The following DPYD variants were observed in gnomAD, a reference collection of about 807,000 sequenced individuals.
The protein encoded by DPYD is dihydropyrimidine dehydrogenase [NADP(+)].
DPYD carries 109 observed loss-of-function variants against 116.2 expected under a neutral mutation model. That is an observed-to-expected ratio of 0.94 (90% CI 0.80 to 1.10). The LOEUF (loss-of-function observed/expected upper bound fraction) is 1.10, where lower values mean the gene tolerates loss of function less well. Ranked by LOEUF, DPYD falls within the 50% of genes least tolerant of loss-of-function variation. The pLI is 0.00. For synonymous variants in DPYD, 440 were observed against 432.0 expected (o/e 1.02, Z -0.23); for missense variants, 1,302 against 1,254.5 (o/e 1.04, Z -0.57).
intron 4 of DPYD, among the ~76,000 whole-genome samples, chr1:97,729,155 A>G (rs185160102): frequency 8.5e-5 from 13 of 152,256 alleles, no homozygotes; most frequent in Non-Finnish European, 1.9e-4. Context: ...TAACGTTTTT[A>G]TTGATCCTGA....
In DPYD at chr1:97,122,541, T is replaced by G. The variant is rs564302315; in HGVS notation, c.2623-23909A>C. ...ATCAGAGACTTTGCAATTTTGCTCC[T>G]TATTCTTTCTAGTATTCTTAATCTG... On this transcript the variant is annotated intron_variant, in intron 20 of 22. Transcript: ENST00000370192. Among the ~76,000 whole-genome samples, 8 of 152,250 alleles carry G rather than the reference T, an allele frequency of 5.3e-5. No individual in the cohort carries two copies. The East Asian group carries it at 1.5e-3, about 29-fold the overall frequency.
Position 97,684,584 on chromosome 1 carries a change from T to C in DPYD, c.763-5402A>G, listed in dbSNP as rs983766610. On this transcript the variant is annotated intron_variant, in intron 7 of 22. Transcript: ENST00000370192. ...TTTGAAAAAAAAATATATATATATA[T>C]ACACACACACCAATAGGTAGACTAA... is the stretch of plus-strand genomic sequence containing the variant. 1.7e-4 allele frequency among the ~76,000 whole-genome samples: 25 copies of C among 150,224 alleles called. No individual in the cohort carries two copies. In the East Asian group the frequency reaches 2.5e-3, roughly 15 times the overall value.
intron 19 of DPYD, among the ~76,000 whole-genome samples, chr1:97,226,220 T>C (rs945674491): frequency 2.0e-5 from 3 of 152,084 alleles, no homozygotes; most frequent in African/African-American, 7.2e-5. Flanking sequence ...AAAAATTAGA[T>C]ATACAGGGAA....
At chr1:97,352,131 T>C (rs1670177085) in intron 16 of DPYD, among the ~76,000 whole-genome samples, 1 of 152,036 alleles carries the variant, frequency 6.6e-6, no homozygotes, top group Admixed American at 6.6e-5. Context: ...CCTTCTCAAA[T>C]AACTCTAAAT....
chr1:97,228,501 A>T, intron 19 of DPYD, among the ~76,000 whole-genome samples: 1 of 152,170 alleles, frequency 6.6e-6, no homozygotes, highest in Non-Finnish European at 1.5e-5. Flanking sequence ...TGTAAATCTT[A>T]ATTTTAGTAG....
intron 18 of DPYD, among the ~76,000 whole-genome samples, chr1:97,262,072 C>T (rs1310984481): frequency 2.0e-5 from 3 of 151,884 alleles, no homozygotes; most frequent in Non-Finnish European, 2.9e-5. Flanking sequence ...CCTCAATCAC[C>T]AGATTCCTTT....
At chr1:97,550,917 T>C (rs1651271312) in intron 11 of DPYD, among the ~76,000 whole-genome samples, 1 of 152,166 alleles carries the variant, frequency 6.6e-6, no homozygotes, top group Non-Finnish European at 1.5e-5. Context: ...CACTGGTATA[T>C]ATTTGTAGCT....
At chr1:97,188,122 T>C (rs949604077) in intron 20 of DPYD, among the ~76,000 whole-genome samples, 1 of 152,192 alleles carries the variant, frequency 6.6e-6, no homozygotes. Flanking sequence ...TATCTGGTCA[T>C]ATGGATACAA....
At chr1:97,208,951 T>C (rs768973701) in intron 19 of DPYD, among the ~76,000 whole-genome samples, 13 of 152,120 alleles carry the variant, frequency 8.5e-5, no homozygotes, top group Non-Finnish European at 1.6e-4. Context: ...GCAACTGGTG[T>C]CTTCTGAGGT....
chr1:97,367,833 G>C (rs551717454), intron 16 of DPYD, among the ~76,000 whole-genome samples: 5 of 152,106 alleles, frequency 3.3e-5, no homozygotes, highest in African/African-American at 1.2e-4. Flanking sequence ...CATCTTTGTA[G>C]CCTCTTGGAA....
chr1:97,428,797 T>C (rs1197532678), intron 14 of DPYD, among the ~76,000 whole-genome samples: 1 of 151,438 alleles, frequency 6.6e-6, no homozygotes, highest in Admixed American at 6.6e-5. Flanking sequence ...TTTGAGCATG[T>C]GTAGGTGTTT....
intron 11 of DPYD, among the ~76,000 whole-genome samples, chr1:97,568,346 G>A (rs1400414459): frequency 6.6e-6 from 1 of 151,996 alleles, no homozygotes; most frequent in Non-Finnish European, 1.5e-5. Context: ...AATAACATCT[G>A]TAACTTAAGC....
chr1:97,834,632 T>C (rs1240158206), intron 2 of DPYD, among the ~76,000 whole-genome samples: 1 of 152,076 alleles, frequency 6.6e-6, no homozygotes, highest in African/African-American at 2.4e-5. Flanking sequence ...CATGTACTGC[T>C]ACAATTCTAA....
At chr1:97,220,527 G>A (rs72726639) in intron 19 of DPYD, among the ~76,000 whole-genome samples, 5,373 of 152,196 alleles carry the variant, frequency 0.035, 293 homozygotes, top group African/African-American at 0.12. Context: ...CAGGTCTCAG[G>A]TGTCTGAGAA....
At chr1:97,591,893 GAA>G (rs764510762) in intron 10 of DPYD, among the ~76,000 whole-genome samples, 3 of 137,696 alleles carry the variant, frequency 2.2e-5, no homozygotes, top group Non-Finnish European at 3.2e-5. Context: ...TGTATCCCAG[GAA>G]AAAAAAAAAA....
chr1:97,918,115 T>C (rs1173000888), intron 1 of DPYD, among the ~76,000 whole-genome samples: 1 of 152,212 alleles, frequency 6.6e-6, no homozygotes, highest in Non-Finnish European at 1.5e-5. Context: ...TCTAAAAGCA[T>C]ATAACTACTA....
At chr1:97,252,050 A>G (rs980512361) in intron 18 of DPYD, among the ~76,000 whole-genome samples, 2 of 139,020 alleles carry the variant, frequency 1.4e-5, no homozygotes. Context: ...TCCTATTAAA[A>G]CCTTGTAGTC....
chr1:97,765,984 C>T (rs549790963), intron 3 of DPYD, among the ~76,000 whole-genome samples: 1 of 152,256 alleles, frequency 6.6e-6, no homozygotes, highest in South Asian at 2.1e-4. Context: ...TGGCTCACGC[C>T]TATAATCGCA....
chr1:97,906,369 T>C (rs1673620835), intron 1 of DPYD, among the ~76,000 whole-genome samples: 2 of 152,110 alleles, frequency 1.3e-5, no homozygotes, highest in South Asian at 4.1e-4. Context: ...CATCCCCAAG[T>C]ACTTATGACT....
Sources: gnomAD v4.1 joint callset for allele counts (sites outside exome capture counted in the v4.1 genomes callset) on GRCh38, gnomAD v4.1.1 for gene constraint, MANE v1.5 for transcripts, NCBI Gene and HGNC (gene_info 2026-07-23, HGNC 2026-07-21) for gene names.